PHLPP1: variants seen among roughly 807,000 people sequenced by gnomAD.
PHLPP1 encodes PH domain leucine-rich repeat-containing protein phosphatase 1.
In PHLPP1, 42 loss-of-function variants were observed where a neutral mutation model predicts 117.2. The ratio of observed to expected loss-of-function variants is 0.36; its 90% CI spans 0.28 to 0.46. The LOEUF (loss-of-function observed/expected upper bound fraction) is 0.46. Ranked by LOEUF, PHLPP1 falls within the 20% of genes least tolerant of loss-of-function variation. PHLPP1 has a pLI of 1.00. For synonymous variants in PHLPP1, 1,042 were observed against 970.7 expected, an observed-to-expected ratio of 1.07 and a Z score of -1.37; for missense variants, 2,084 against 2,241.9, an observed-to-expected ratio of 0.93 and a Z score of 1.42.
At chr18:62,762,602 C>A (rs558231026) in intron 1 of PHLPP1, among the ~76,000 whole-genome samples, 4 of 151,310 alleles carry the variant, frequency 2.6e-5, no homozygotes, top group African/African-American at 9.7e-5. Context: ...TTAGTAGAGA[C>A]GAGGTTTCAC....
chr18:62,832,926 ATTACT>A (rs1434799373), intron 2 of PHLPP1, among the ~76,000 whole-genome samples: 1 of 152,178 alleles, frequency 6.6e-6, no homozygotes, highest in African/African-American at 2.4e-5. Context: ...GAGCATGGTC[ATTACT>A]TTACATATAT....
intron 1 of PHLPP1, among the ~76,000 whole-genome samples, chr18:62,794,224 T>G (rs1913555061): frequency 6.6e-6 from 1 of 152,142 alleles, no homozygotes; most frequent in African/African-American, 2.4e-5. Flanking sequence ...AAGTGCTTGT[T>G]TTGTTTTGTT....
intron 1 of PHLPP1, among the ~76,000 whole-genome samples, chr18:62,736,099 C>G (rs1911362009): frequency 6.6e-6 from 1 of 152,102 alleles, no homozygotes. Flanking sequence ...AGTTTCTTAC[C>G]TAGCATAGAA....
At chr18:62,950,397 TA>T (rs1016457347) in intron 12 of PHLPP1, among the ~76,000 whole-genome samples, 1 of 152,182 alleles carries the variant, frequency 6.6e-6, no homozygotes, top group Non-Finnish European at 1.5e-5. Flanking sequence ...CTCAATCAGC[TA>T]GAGAGAAAAC....
chr18:62,734,294 A>G (rs1400592906), intron 1 of PHLPP1, among the ~76,000 whole-genome samples: 1 of 152,164 alleles, frequency 6.6e-6, no homozygotes, highest in African/African-American at 2.4e-5. Flanking sequence ...TCATTTTTTA[A>G]AAACCTCTGT....
intron 15 of PHLPP1, among the ~76,000 whole-genome samples, chr18:62,973,725 A>G (rs1270963436): frequency 1.3e-5 from 2 of 152,208 alleles, no homozygotes; most frequent in Non-Finnish European, 2.9e-5. Context: ...GTGAGCATAT[A>G]CAATTAGCAA....
intron 1 of PHLPP1, among the ~76,000 whole-genome samples, chr18:62,813,769 C>T (rs1001945322): frequency 2.0e-5 from 3 of 152,178 alleles, no homozygotes. Flanking sequence ...GGCACATGCT[C>T]AGGTTTGAAG....
intron 10 of PHLPP1, among the ~76,000 whole-genome samples, chr18:62,940,947 C>CT (rs1393089452): frequency 6.6e-6 from 1 of 152,212 alleles, no homozygotes; most frequent in Non-Finnish European, 1.5e-5. Flanking sequence ...ACTTCTGTTA[C>CT]TACAGAGTAA....
chr18:62,970,972 CT>C (rs888122011), intron 14 of PHLPP1, among the ~76,000 whole-genome samples: 2 of 152,090 alleles, frequency 1.3e-5, no homozygotes, highest in African/African-American at 4.8e-5. Flanking sequence ...TTTATTTCCC[CT>C]TAACTTTTCA....
intron 9 of PHLPP1, among the ~76,000 whole-genome samples, chr18:62,918,205 C>CA (rs11317555): frequency 0.032 from 2,579 of 80,446 alleles, 84 homozygotes; most frequent in African/African-American, 0.055. Flanking sequence ...GACTCTGTCT[C>CA]AAAAAAAAAA....
intron 14 of PHLPP1, among the ~76,000 whole-genome samples, chr18:62,968,982 G>C (rs1175742376): frequency 6.6e-6 from 1 of 151,908 alleles, no homozygotes; most frequent in Non-Finnish European, 1.5e-5. Flanking sequence ...TAGATTTTTT[G>C]TTTTACTGAT....
At chr18:62,937,311 CTG>C (rs1344037716) in intron 10 of PHLPP1, among the ~76,000 whole-genome samples, 7 of 152,364 alleles carry the variant, frequency 4.6e-5, no homozygotes, top group African/African-American at 1.7e-4. Context: ...GGAGCCATAT[CTG>C]TGTGTCTTTT....
intron 10 of PHLPP1, 39 bp from the exon 11 acceptor site, chr18:62,941,679 G>T: frequency 6.6e-7 from 1 of 1,517,794 alleles, no homozygotes; most frequent in South Asian, 1.2e-5. Context: ...GGGTTTTTGT[G>T]ACTTTTCAAT....
At chr18:62,731,707 A>G (rs1352147715) in intron 1 of PHLPP1, among the ~76,000 whole-genome samples, 2 of 152,260 alleles carry the variant, frequency 1.3e-5, no homozygotes, top group African/African-American at 4.8e-5. Flanking sequence ...TGCCACAAAC[A>G]GTTAACCAAG....
chr18:62,722,756 C>T (rs771971652), intron 1 of PHLPP1, among the ~76,000 whole-genome samples: 18 of 152,206 alleles, frequency 1.2e-4, no homozygotes, highest in Non-Finnish European at 1.9e-4. Flanking sequence ...AACTTCAACT[C>T]CAGAAACTTA....
rs189386643 is a variant in PHLPP1, at chr18:62,963,334, A to G, written c.3456-34A>G. ...AGCAATTTGCACACATTTGGTTTTA[A>G]TGATTCCTGTTCCCTCCCTGTTTCT... On this transcript the variant is annotated intron_variant, in intron 13 of 16. Transcript: ENST00000262719. 2.3e-3 allele frequency: 3,416 copies of G among 1,460,548 alleles called. 10 individuals are homozygous for G. The highest frequency in any genetic ancestry group is 3.0e-3 in the Non-Finnish European group (3,142 of 1,049,094). 90.5% of individuals were successfully genotyped at this position (1,460,548 alleles called of 1,614,324 possible).
In PHLPP1 at chr18:62,979,356, C is replaced by T. The variant is rs1157162152; in HGVS notation, c.5079C>T (p.Pro1693=). Residue 1693 remains proline (P), a synonymous_variant, in exon 17 of 17, where the codon CCC becomes CCT. Coordinates refer to ENST00000262719, the MANE Select transcript of PHLPP1 (RefSeq NM_194449.4). ...EQQQQQQPPP[P]PQLQPQLPRH... ...AGCAGCAGCAGCAGCCGCCACCACCCCCTCAGCTCCAGCCGCAGCTGCCGC... is the reference window on the plus strand; with the variant it reads ...AGCAGCAGCAGCAGCCGCCACCACCTCCTCAGCTCCAGCCGCAGCTGCCGC... The T allele has an allele frequency of 6.5e-7, 1 of 1,547,334 alleles. No homozygotes were observed. Among genetic ancestry groups the T allele is most frequent in the Admixed American group, 2.0e-5 (1 of 51,040 alleles).
At chr18:62,755,270 A>G (rs1297389426) in intron 1 of PHLPP1, among the ~76,000 whole-genome samples, 1 of 151,942 alleles carries the variant, frequency 6.6e-6, no homozygotes, top group Non-Finnish European at 1.5e-5. Flanking sequence ...TGATCCTGTC[A>G]TGCTCTGTCA....
intron 1 of PHLPP1, among the ~76,000 whole-genome samples, chr18:62,766,726 T>G (rs1912548073): frequency 6.6e-6 from 1 of 152,208 alleles, no homozygotes; most frequent in African/African-American, 2.4e-5. Flanking sequence ...CAGATAAATA[T>G]ATATTTTTCT....
Sources: allele counts gnomAD v4.1 joint callset (sites outside exome capture counted in the v4.1 genomes callset), GRCh38; gene constraint gnomAD v4.1.1; transcripts MANE v1.5; gene names NCBI Gene and HGNC (gene_info 2026-07-23, HGNC 2026-07-21).